Variants in NRG3 observed in about 807,000 individuals in gnomAD.
NRG3 encodes neuregulin 3.
Under a neutral mutation model 66.9 loss-of-function variants are expected in NRG3, and 31 were observed. That is an observed-to-expected ratio of 0.46 (90% CI 0.35 to 0.63). The LOEUF (loss-of-function observed/expected upper bound fraction) is 0.63. Among genes scored for constraint, NRG3 ranks in the 20% least tolerant of loss-of-function variants. NRG3 has a pLI of 0.00. For missense variants in NRG3, 910 were observed against 878.9 expected (o/e 1.04, Z -0.45); for synonymous variants, 393 against 359.4 (o/e 1.09, Z -1.06).
chr10:82,417,788 G>T (rs1414414019), intron 2 of NRG3, among the ~76,000 whole-genome samples: 2 of 152,156 alleles, frequency 1.3e-5, no homozygotes, highest in Admixed American at 6.5e-5. Flanking sequence ...AGCGAGCAAG[G>T]GAAGGAGCTA....
intron 2 of NRG3, among the ~76,000 whole-genome samples, chr10:82,730,648 G>A (rs186813700): frequency 6.6e-6 from 1 of 152,236 alleles, no homozygotes; most frequent in East Asian, 1.9e-4. Context: ...TTAATAACAA[G>A]TGGTTAACTT....
intron 3 of NRG3, 63 bp downstream of exon 3, chr10:82,738,713 G>A (rs1165428937): frequency 2.2e-6 from 3 of 1,357,322 alleles, no homozygotes; most frequent in East Asian, 2.3e-5. Context: ...CTGAGCAATG[G>A]TTGTTAACTC....
intron 6 of NRG3, among the ~76,000 whole-genome samples, chr10:82,964,190 A>G (rs1037194023): frequency 2.6e-5 from 4 of 152,228 alleles, no homozygotes; most frequent in African/African-American, 9.7e-5. Flanking sequence ...ACAAAAAATG[A>G]GAAAGCTGCT....
chr10:82,050,002 A>G (rs751574324), intron 1 of NRG3, among the ~76,000 whole-genome samples: 25 of 151,994 alleles, frequency 1.6e-4, no homozygotes, highest in Middle Eastern at 6.3e-3. Flanking sequence ...ATCCCCTATT[A>G]TCCACCCCAC....
intron 3 of NRG3, among the ~76,000 whole-genome samples, chr10:82,741,813 A>T (rs2134794565): frequency 6.6e-6 from 1 of 152,094 alleles, no homozygotes; most frequent in African/African-American, 2.4e-5. Flanking sequence ...GTTATTTTCA[A>T]CAGGACATTT....
At chr10:82,328,777 A>G (rs1271227853) in intron 1 of NRG3, among the ~76,000 whole-genome samples, 1 of 152,190 alleles carries the variant, frequency 6.6e-6, no homozygotes, top group Non-Finnish European at 1.5e-5. Flanking sequence ...GATTGAGCAA[A>G]GAACACCTAT....
intron 4 of NRG3, among the ~76,000 whole-genome samples, chr10:82,942,447 T>A (rs897814616): frequency 3.9e-5 from 6 of 152,264 alleles, no homozygotes; most frequent in African/African-American, 1.4e-4. Context: ...GAACTATGGC[T>A]GCCCAGTTAA....
chr10:82,520,305 T>C (rs1226754289), intron 2 of NRG3, among the ~76,000 whole-genome samples: 1 of 151,730 alleles, frequency 6.6e-6, no homozygotes, highest in African/African-American at 2.4e-5. Flanking sequence ...TTTTTCCACA[T>C]TGAAATTTAA....
At chr10:82,316,919 C>T (rs185742045) in intron 1 of NRG3, among the ~76,000 whole-genome samples, 9 of 152,222 alleles carry the variant, frequency 5.9e-5, no homozygotes, top group Non-Finnish European at 7.4e-5. Context: ...CACTGGGAGG[C>T]GAAGAACTTG....
At position 81,957,419 on chromosome 10, in the gene NRG3, C is replaced by G. The variant is rs373056133; in HGVS notation, c.823+81256C>G. 2.6e-5 allele frequency among the ~76,000 whole-genome samples: 4 copies of G among 152,218 alleles called. No homozygotes were observed. In the East Asian group the frequency reaches 7.7e-4, roughly 29 times the overall value. ...CTCCCTTGCATCATGACTCTGCCCCCCATTTAAAATATTTAAAATAGTCAG... is the reference window on the plus strand; with the variant it reads ...CTCCCTTGCATCATGACTCTGCCCCGCATTTAAAATATTTAAAATAGTCAG... On this transcript the variant is annotated intron_variant, in intron 1 of 8. Coordinates refer to ENST00000372141, the MANE Select transcript of NRG3 (RefSeq NM_001010848.4).
chr10:82,536,962 G>A (rs1282207226), intron 2 of NRG3, among the ~76,000 whole-genome samples: 1 of 151,754 alleles, frequency 6.6e-6, no homozygotes, highest in Non-Finnish European at 1.5e-5. Flanking sequence ...GACCAAAAAA[G>A]ATAAGTTGAC....
intron 2 of NRG3, among the ~76,000 whole-genome samples, chr10:82,705,276 TAGA>T (rs1286427616): frequency 1.3e-5 from 2 of 152,192 alleles, no homozygotes; most frequent in African/African-American, 4.8e-5. Context: ...ACAGTCTGAT[TAGA>T]AGGTCTGGGG....
At chr10:82,473,829 G>A (rs1380292593) in intron 2 of NRG3, among the ~76,000 whole-genome samples, 1 of 152,100 alleles carries the variant, frequency 6.6e-6, no homozygotes, top group Non-Finnish European at 1.5e-5. Flanking sequence ...GGAAGCCATG[G>A]GAAGCAGTGG....
intron 4 of NRG3, among the ~76,000 whole-genome samples, chr10:82,907,099 C>A (rs1023524889): frequency 2.6e-5 from 4 of 152,116 alleles, no homozygotes; most frequent in Admixed American, 6.5e-5. Context: ...AGAAAATGTT[C>A]TTTATCCCAT....
chr10:82,511,113 A>G (rs902154556), intron 2 of NRG3, among the ~76,000 whole-genome samples: 1 of 152,222 alleles, frequency 6.6e-6, no homozygotes, highest in African/African-American at 2.4e-5. Flanking sequence ...TGGTTCTCTT[A>G]TGAACAGGAG....
At chr10:82,092,823 C>T (rs2132010890) in intron 1 of NRG3, among the ~76,000 whole-genome samples, 1 of 152,316 alleles carries the variant, frequency 6.6e-6, no homozygotes, top group African/African-American at 2.4e-5. Flanking sequence ...TGGAATTCCT[C>T]AGCTTTGACA....
chr10:81,881,721 A>C (rs1842197743), intron 1 of NRG3, among the ~76,000 whole-genome samples: 1 of 152,200 alleles, frequency 6.6e-6, no homozygotes. Context: ...TCACTACAAC[A>C]TTCAGCCTCC....
At chr10:82,017,380 G>C (rs901456493) in intron 1 of NRG3, among the ~76,000 whole-genome samples, 1 of 152,128 alleles carries the variant, frequency 6.6e-6, no homozygotes, top group Non-Finnish European at 1.5e-5. Context: ...GCTATTTTGA[G>C]TAGTGCCGCA....
At chr10:82,204,779 C>T (rs556854095) in intron 1 of NRG3, among the ~76,000 whole-genome samples, 1 of 152,276 alleles carries the variant, frequency 6.6e-6, no homozygotes, top group African/African-American at 2.4e-5. Context: ...TCTACTTGAA[C>T]TTTGACATGT....
Sources: allele counts gnomAD v4.1 joint callset (sites outside exome capture counted in the v4.1 genomes callset), GRCh38; gene constraint gnomAD v4.1.1; transcripts MANE v1.5; gene names NCBI Gene and HGNC (gene_info 2026-07-23, HGNC 2026-07-21).